RIMS2: variants seen among roughly 807,000 people sequenced by gnomAD.
The protein encoded by RIMS2 is regulating synaptic membrane exocytosis protein 2.
RIMS2 carries 59 observed loss-of-function variants against 174.4 expected under a neutral mutation model. The ratio of observed to expected loss-of-function variants is 0.34; its 90% CI spans 0.27 to 0.42. The LOEUF (loss-of-function observed/expected upper bound fraction) is 0.42, where lower values mean the gene tolerates loss of function less well. Ranked by LOEUF, RIMS2 falls within the 10% of genes least tolerant of loss-of-function variation. The pLI is 1.00. For missense variants in RIMS2, 1,620 were observed against 1,666.3 expected, an observed-to-expected ratio of 0.97 and a Z score of 0.48; for synonymous variants, 606 against 572.5, an observed-to-expected ratio of 1.06 and a Z score of -0.84.
At chr8:103,863,896 T>TG (rs2099071448) in intron 3 of RIMS2, among the ~76,000 whole-genome samples, 1 of 122,910 alleles carries the variant, frequency 8.1e-6, no homozygotes. Context: ...AGTTTTTTTT[T>TG]TTGTTTTTTT....
intron 1 of RIMS2, among the ~76,000 whole-genome samples, chr8:103,544,307 C>T (rs897727334): frequency 6.6e-6 from 1 of 152,196 alleles, no homozygotes. Flanking sequence ...CTGGCCCCAC[C>T]ATACCTCTTC....
At chr8:103,647,861 A>G (rs1454395514) in intron 1 of RIMS2, among the ~76,000 whole-genome samples, 1 of 145,352 alleles carries the variant, frequency 6.9e-6, no homozygotes, top group Non-Finnish European at 1.5e-5. Flanking sequence ...TTTTTTTTCC[A>G]AAAACCAGCT....
intron 3 of RIMS2, among the ~76,000 whole-genome samples, chr8:103,830,768 G>A (rs181601117): frequency 6.7e-6 from 1 of 149,770 alleles, no homozygotes; most frequent in East Asian, 2.0e-4. Context: ...TGCTCTATGT[G>A]CCTTAAAGCT....
At chr8:103,895,495 C>T (rs1419319519) in intron 4 of RIMS2, among the ~76,000 whole-genome samples, 1 of 151,342 alleles carries the variant, frequency 6.6e-6, no homozygotes, top group African/African-American at 2.4e-5. Context: ...GTACTAATTC[C>T]ATCATGAAGA....
At chr8:103,635,957 G>C (rs1362576979) in intron 1 of RIMS2, among the ~76,000 whole-genome samples, 1 of 152,100 alleles carries the variant, frequency 6.6e-6, no homozygotes, top group Admixed American at 6.5e-5. Flanking sequence ...TGCCCAGTGA[G>C]GAGAAACAGG....
intron 19 of RIMS2, among the ~76,000 whole-genome samples, chr8:104,141,631 GT>G (rs1427475548): frequency 6.6e-6 from 1 of 152,178 alleles, no homozygotes; most frequent in Non-Finnish European, 1.5e-5. Flanking sequence ...CCATGCATTT[GT>G]CCCCACACAT....
At chr8:103,820,104 T>C (rs1408825492) in intron 3 of RIMS2, among the ~76,000 whole-genome samples, 1 of 152,106 alleles carries the variant, frequency 6.6e-6, no homozygotes, top group Non-Finnish European at 1.5e-5. Context: ...TTAAACAAGA[T>C]ATATTGTGGA....
intron 19 of RIMS2, among the ~76,000 whole-genome samples, chr8:104,121,570 C>G (rs1599372735): frequency 1.3e-5 from 2 of 152,134 alleles, no homozygotes; most frequent in African/African-American, 4.8e-5. Flanking sequence ...AAGACTATTA[C>G]AAAGTATGTG....
At chr8:103,904,487 T>C (rs1164002487) in intron 4 of RIMS2, among the ~76,000 whole-genome samples, 1 of 151,394 alleles carries the variant, frequency 6.6e-6, no homozygotes, top group Non-Finnish European at 1.5e-5. Flanking sequence ...TTCCCCTCAA[T>C]TTTTTTTTAG....
At chr8:104,245,080 T>G (rs2099323298) in intron 20 of RIMS2, 23 bp downstream of exon 26, 3 of 1,611,836 alleles carry the variant, frequency 1.9e-6, no homozygotes, top group Admixed American at 3.3e-5. Context: ...GCATGTGATG[T>G]GTGTCTCCTC....
Position 103,534,329 on chromosome 8 carries a change from A to G in RIMS2, c.176+33267A>G, listed in dbSNP as rs570586430. Reference sequence around the variant, plus strand: ...TTGATATATTTTCCAAGCTCAGACTATAGTATCAACCTAATTTTTCAGACT... The same window carrying G: ...TTGATATATTTTCCAAGCTCAGACTGTAGTATCAACCTAATTTTTCAGACT... On this transcript the variant is annotated intron_variant, in intron 1 of 23. Coordinates refer to ENST00000504942, the Ensembl canonical transcript of RIMS2. Among the ~76,000 whole-genome samples the G allele has an allele frequency of 5.3e-5, 8 of 152,320 alleles. No individual in the cohort carries two copies. The East Asian group carries it at 1.5e-3, about 29-fold the overall frequency.
chr8:104,166,455 A>G (rs1466835118), intron 19 of RIMS2, among the ~76,000 whole-genome samples: 4 of 152,166 alleles, frequency 2.6e-5, no homozygotes, highest in African/African-American at 9.7e-5. Context: ...CATGTCAAGC[A>G]TAGGGAGCTT....
At chr8:103,767,474 C>T (rs183350289) in intron 3 of RIMS2, among the ~76,000 whole-genome samples, 9 of 152,208 alleles carry the variant, frequency 5.9e-5, no homozygotes, top group Non-Finnish European at 1.2e-4. Context: ...TGTGAGCCAC[C>T]GTGCCCGGCC....
intron 2 of RIMS2, among the ~76,000 whole-genome samples, chr8:103,763,154 A>T (rs2098130385): frequency 6.6e-6 from 1 of 152,176 alleles, no homozygotes; most frequent in Admixed American, 6.5e-5. Flanking sequence ...ATAGGAAAAT[A>T]CTAGGAGGCA....
chr8:103,570,580 G>T (rs2132325623), intron 1 of RIMS2, among the ~76,000 whole-genome samples: 1 of 152,288 alleles, frequency 6.6e-6, no homozygotes, highest in Admixed American at 6.5e-5. Flanking sequence ...CACACTGAGA[G>T]TACCTTAGGA....
At chr8:103,865,086 T>TGA (rs1482572301) in intron 3 of RIMS2, among the ~76,000 whole-genome samples, 2 of 151,914 alleles carry the variant, frequency 1.3e-5, no homozygotes, top group African/African-American at 4.8e-5. Flanking sequence ...ATCATATACT[T>TGA]GAATAAACAT....
At chr8:104,123,352 A>AT (rs1195221956) in intron 19 of RIMS2, among the ~76,000 whole-genome samples, 2 of 152,154 alleles carry the variant, frequency 1.3e-5, no homozygotes, top group East Asian at 3.9e-4. Context: ...AAAATCATCT[A>AT]TATCTTTTAT....
intron 19 of RIMS2, among the ~76,000 whole-genome samples, chr8:104,171,658 G>T (rs1051048588): frequency 3.3e-5 from 5 of 151,904 alleles, no homozygotes; most frequent in Admixed American, 2.6e-4. Flanking sequence ...ATTTCATTTT[G>T]GTTTGGATCC....
At chr8:104,185,794 G>C (rs1343095632) in intron 19 of RIMS2, among the ~76,000 whole-genome samples, 10 of 151,514 alleles carry the variant, frequency 6.6e-5, no homozygotes, top group African/African-American at 2.4e-4. Context: ...ATGTAAATTG[G>C]TAAAATCACT....
Sources: allele counts gnomAD v4.1 joint callset (sites outside exome capture counted in the v4.1 genomes callset), GRCh38; gene constraint gnomAD v4.1.1; transcripts MANE v1.5; gene names NCBI Gene and HGNC (gene_info 2026-07-23, HGNC 2026-07-21).